Variants in NAV3 observed in about 807,000 individuals in gnomAD.
NAV3 encodes the protein pore membrane and/or filament interacting like protein 1.
Under a neutral mutation model 244.7 loss-of-function variants are expected in NAV3, and 87 were observed. The ratio of observed to expected loss-of-function variants is 0.36; its 90% CI spans 0.30 to 0.42. NAV3 has a LOEUF of 0.42. Ranked by LOEUF, NAV3 falls within the 20% of genes least tolerant of loss-of-function variation. NAV3 has a pLI of 1.00. For missense variants in NAV3, 2,663 were observed against 2,893.3 expected (o/e 0.92, Z 1.83); for synonymous variants, 1,126 against 1,042.2 (o/e 1.08, Z -1.55).
chr12:77,811,979 A>G (rs189433441), intron 2 of NAV3, among the ~76,000 whole-genome samples: 2 of 152,210 alleles, frequency 1.3e-5, no homozygotes, highest in Non-Finnish European at 2.9e-5. Context: ...ATTTTTATTT[A>G]CCTTCACCCT....
At chr12:77,845,186 G>A (rs1876404834) in intron 1 of NAV3, among the ~76,000 whole-genome samples, 1 of 151,984 alleles carries the variant, frequency 6.6e-6, no homozygotes, top group Non-Finnish European at 1.5e-5. Flanking sequence ...TTTAATAAAA[G>A]GAATCTTGTG....
chr12:77,666,179 G>GTTTTT (rs35767149), intron 2 of NAV3, among the ~76,000 whole-genome samples: 42 of 119,150 alleles, frequency 3.5e-4, no homozygotes, highest in East Asian at 9.9e-4. Context: ...CATGTTTACA[G>GTTTTT]TTTTTTTTTT....
At chr12:77,658,149 G>A (rs1449846997) in intron 2 of NAV3, among the ~76,000 whole-genome samples, 2 of 152,142 alleles carry the variant, frequency 1.3e-5, no homozygotes, top group Non-Finnish European at 2.9e-5. Flanking sequence ...ATTCAATTAG[G>A]AAAAGAGGAA....
chr12:78,062,331 T>A (rs1165915024), intron 12 of NAV3, among the ~76,000 whole-genome samples: 4 of 152,146 alleles, frequency 2.6e-5, no homozygotes, highest in Non-Finnish European at 5.9e-5. Context: ...ACCATTTTTT[T>A]AAAGACCTTT....
chr12:78,107,876 A>G (rs1021228344), intron 12 of NAV3, among the ~76,000 whole-genome samples: 3 of 152,172 alleles, frequency 2.0e-5, no homozygotes, highest in African/African-American at 7.2e-5. Context: ...CTAACTAACC[A>G]CAATGACAAA....
intron 35 of NAV3, 40 bp from the exon 36 acceptor site, chr12:78,198,565 A>G (rs757326393): frequency 8.4e-7 from 1 of 1,185,396 alleles, no homozygotes; most frequent in Non-Finnish European, 1.2e-6. Flanking sequence ...AATCACTTTT[A>G]CCTCCAGTAA....
chr12:78,032,622 G>A (rs1005515589), intron 9 of NAV3, among the ~76,000 whole-genome samples: 1 of 152,168 alleles, frequency 6.6e-6, no homozygotes, highest in African/African-American at 2.4e-5. Context: ...CAGGTGAAAT[G>A]TATTATATAA....
At chr12:77,930,497 T>C (rs1888677323) in intron 1 of NAV3, among the ~76,000 whole-genome samples, 1 of 152,122 alleles carries the variant, frequency 6.6e-6, no homozygotes, top group Non-Finnish European at 1.5e-5. Context: ...CAATTTTCCT[T>C]ATAATCCAAT....
intron 5 of NAV3, among the ~76,000 whole-genome samples, chr12:77,993,406 C>T (rs1871782741): frequency 6.6e-6 from 1 of 152,116 alleles, no homozygotes; most frequent in African/African-American, 2.4e-5. Flanking sequence ...TGAATTGAGA[C>T]AGTTTGGTTT....
chr12:77,727,562 G>A (rs183649495), intron 2 of NAV3, among the ~76,000 whole-genome samples: 15 of 152,038 alleles, frequency 9.9e-5, no homozygotes, highest in South Asian at 8.3e-4. Context: ...TTAAGGAAGC[G>A]TATTCCAGGG....
intron 12 of NAV3, among the ~76,000 whole-genome samples, chr12:78,069,715 A>G (rs907913039): frequency 2.6e-5 from 4 of 152,200 alleles, no homozygotes; most frequent in Middle Eastern, 3.4e-3. Flanking sequence ...ATCTGGTTGT[A>G]TGACTATATT....
chr12:78,035,559 G>C (rs1879714688), intron 9 of NAV3, among the ~76,000 whole-genome samples: 1 of 152,036 alleles, frequency 6.6e-6, no homozygotes, highest in Non-Finnish European at 1.5e-5. Flanking sequence ...TGCTGTGATA[G>C]GCTTATGAAA....
chr12:77,796,988 T>C (rs184185005), intron 2 of NAV3, among the ~76,000 whole-genome samples: 105 of 152,306 alleles, frequency 6.9e-4, no homozygotes, highest in Middle Eastern at 3.4e-3. Context: ...AAATGAATTC[T>C]CAAAATCTCT....
chr12:78,087,238 A>G lies in NAV3; in HGVS notation c.2636+28123A>G, dbSNP rs553552487. On this transcript the variant is annotated intron_variant, in intron 12 of 39. Coordinates refer to ENST00000397909, the MANE Select transcript of NAV3 (RefSeq NM_001024383.2). The stretch of plus-strand genomic sequence containing the variant: ...TCAAGGATTTCTTTGCTGAGCTGCC[A>G]AGATACATAAATCTTCTATGAGAAC... Among the ~76,000 whole-genome samples, 16 of 152,168 alleles carry G rather than the reference A, an allele frequency of 1.1e-4. No individual in the cohort carries two copies. The South Asian group carries it at 3.3e-3, about 31-fold the overall frequency.
chr12:77,606,255 T>C (rs1870667103), intron 2 of NAV3, among the ~76,000 whole-genome samples: 1 of 152,172 alleles, frequency 6.6e-6, no homozygotes, highest in Non-Finnish European at 1.5e-5. Flanking sequence ...AGAATATTAG[T>C]GTTTGCCATT....
chr12:77,639,639 C>G (rs1051129207), intron 2 of NAV3, among the ~76,000 whole-genome samples: 9 of 152,192 alleles, frequency 5.9e-5, no homozygotes, highest in Admixed American at 5.9e-4. Context: ...TATGAGGGTG[C>G]TCAGTGTTGG....
intron 2 of NAV3, among the ~76,000 whole-genome samples, chr12:77,658,933 C>G (rs1025538378): frequency 2.0e-5 from 3 of 152,142 alleles, no homozygotes; most frequent in Non-Finnish European, 4.4e-5. Flanking sequence ...TGGATCTGTT[C>G]CTTACACCTT....
At position 78,140,346 on chromosome 12, in the gene NAV3, CT is replaced by C; in HGVS notation, c.4683+13del. On this transcript the variant is annotated intron_variant, in intron 20 of 39. Transcript: ENST00000397909. ...CTCTTTACTCTACAGTAAGTAATGGCTGTTAAGAAAAAGCTTGTGCTTTTGC... is the reference window on the plus strand; with the variant it reads ...CTCTTTACTCTACAGTAAGTAATGGCGTTAAGAAAAAGCTTGTGCTTTTGC... 6.2e-7 allele frequency: 1 copy of C among 1,608,898 alleles called. No homozygotes were observed.
rs542057778 is a variant in NAV3 at position 78,204,799 on chromosome 12, G to C, written c.6835-136G>C. 6.4e-5 allele frequency: 45 copies of C among 708,600 alleles called. No individual in the cohort carries two copies. In the African/African-American group the frequency reaches 7.0e-4, roughly 11 times the overall value. The allele number at this position is 708,600 out of a possible 1,614,324, so 43.9% of individuals were successfully genotyped here. On this transcript the variant is annotated intron_variant, in intron 38 of 39. Transcript: ENST00000397909. ...ATACATGTTTTAAATCTGCAAAACT[G>C]TATACAGATACTTAATTCTCTTGAA...
Sources: allele counts gnomAD v4.1 joint callset (sites outside exome capture counted in the v4.1 genomes callset), GRCh38; gene constraint gnomAD v4.1.1; transcripts MANE v1.5; gene names NCBI Gene and HGNC (gene_info 2026-07-23, HGNC 2026-07-21).